RPL15: variants seen among roughly 807,000 people sequenced by gnomAD.
The protein encoded by RPL15 is large ribosomal subunit protein eL15.
For missense variants in RPL15, 161 were observed against 271.8 expected, an observed-to-expected ratio of 0.59 and a Z score of 2.87; for synonymous variants, 97 against 95.1, an observed-to-expected ratio of 1.02 and a Z score of -0.12.
downstream of RPL15, chr3:23,921,565 ATTGAG>A: frequency 3.4e-6 from 2 of 595,246 alleles, no homozygotes; most frequent in Non-Finnish European, 3.0e-6. Flanking sequence ...AACATTGATT[ATTGAG>A]TTTTTTTTTT....
chr3:23,924,018 A>T (rs1705163994), downstream of RPL15: 1 of 152,166 alleles, frequency 6.6e-6, no homozygotes, highest in Non-Finnish European at 1.5e-5. Flanking sequence ...GGGTCATATT[A>T]CTTCCCTCCA....
At chr3:23,923,998 A>C (rs982894719), downstream of RPL15, 1 of 152,202 alleles carries the variant, frequency 6.6e-6, no homozygotes, top group Non-Finnish European at 1.5e-5. Context: ...CCTCTCATGC[A>C]TTTAGGTTGG....
intron 1 of RPL15, 144 bp from the exon 2 acceptor site, chr3:23,917,706 G>A (rs1704719607): frequency 3.8e-6 from 3 of 784,644 alleles, no homozygotes; most frequent in South Asian, 3.8e-5. Flanking sequence ...GTGGGGGTTG[G>A]GCTAGCTGTC....
chr3:23,917,826 T>G, intron 1 of RPL15, 24 bp from the exon 2 acceptor site: 10 of 1,597,948 alleles, frequency 6.3e-6, no homozygotes, highest in Middle Eastern at 2.2e-4. Flanking sequence ...CGGATGATAT[T>G]TAATACACAG....
intron 3 of RPL15, 165 bp from the exon 4 acceptor site, chr3:23,919,031 A>G (rs1704902775): frequency 1.6e-6 from 1 of 615,588 alleles, no homozygotes; most frequent in South Asian, 2.0e-5. Flanking sequence ...AGTCTACATT[A>G]TCTCATTACA....
intron 3 of RPL15, chr3:23,918,796 A>C (rs1435633218): frequency 1.7e-6 from 1 of 596,968 alleles, no homozygotes; most frequent in East Asian, 2.9e-5. Flanking sequence ...CTAAGCTTTA[A>C]AGCGGCAAGA....
intron 2 of RPL15, 35 bp from the exon 3 acceptor site, chr3:23,918,405 A>T: frequency 1.2e-6 from 2 of 1,605,124 alleles, no homozygotes; most frequent in Non-Finnish European, 1.7e-6. Flanking sequence ...ACGGCTTCCT[A>T]TAAAATCACT....
upstream of RPL15, chr3:23,917,078 C>G (rs1704623658): frequency 6.6e-6 from 1 of 152,514 alleles, no homozygotes; most frequent in South Asian, 2.1e-4. Flanking sequence ...GAGGCCGCAG[C>G]TTTCCACCGG....
At chr3:23,921,200 T>G (rs930773978), downstream of RPL15, among the ~76,000 whole-genome samples, 2 of 152,184 alleles carry the variant, frequency 1.3e-5, no homozygotes, top group African/African-American at 4.8e-5. Flanking sequence ...AGGTCAGCAT[T>G]GTCTCTACAA....
rs1183447320 is a variant in RPL15, at chr3:23,919,979, G to T, written c.*478G>T. On this transcript the variant is annotated 3_prime_UTR_variant, in exon 4 of 4. Transcript: ENST00000307839. Reference sequence around the variant, plus strand: ...GAAGAAAATTGCCTCAGCCTCCACAGTACCATTTTAAATTCACATAAAAGG... The same window carrying T: ...GAAGAAAATTGCCTCAGCCTCCACATTACCATTTTAAATTCACATAAAAGG... 8 of 987,568 alleles carry T rather than the reference G, an allele frequency of 8.1e-6. No individual in the cohort carries two copies. The highest frequency in any genetic ancestry group is 9.6e-6 in the Non-Finnish European group (8 of 831,170). 61.2% of individuals were successfully genotyped at this position (987,568 alleles called of 1,614,324 possible).
chr3:23,921,937 G>T, downstream of RPL15: 1 of 276,010 alleles, frequency 3.6e-6, no homozygotes, highest in Non-Finnish European at 6.7e-6. Context: ...TCAAACTACT[G>T]GCCTCAAGCA....
chr3:23,918,705 T>A, intron 3 of RPL15, 129 bp downstream of exon 3: 1 of 1,129,266 alleles, frequency 8.9e-7, no homozygotes, highest in South Asian at 1.5e-5. Flanking sequence ...TGATTTTTAC[T>A]AATCTTGGTG....
chr3:23,919,015 T>C (rs1255224211), intron 3 of RPL15, 181 bp from the exon 4 acceptor site: 2 of 607,632 alleles, frequency 3.3e-6, no homozygotes, highest in Non-Finnish European at 5.8e-6. Context: ...GTGTGTTGTT[T>C]TAGCAAGTCT....
rs1373177771 is a variant in RPL15 at position 23,919,926 on chromosome 3, T to C, written c.*425T>C. The C allele has an allele frequency of 3.0e-6, 3 of 989,870 alleles. No individual in the cohort carries two copies. Among genetic ancestry groups the C allele is most frequent in the Non-Finnish European group, 3.6e-6 (3 of 832,764 alleles). 61.3% of individuals were successfully genotyped at this position (989,870 alleles called of 1,614,324 possible). A position where few individuals can be genotyped will look rare whatever the true frequency, so the allele number is the denominator to read the frequency against. ...GTTTGGCAGGTGTAGACTTTTTAAGTTGGGCTTTAGAAAATCTGGGTTAGC... is the reference window on the plus strand; with the variant it reads ...GTTTGGCAGGTGTAGACTTTTTAAGCTGGGCTTTAGAAAATCTGGGTTAGC... On this transcript the variant is annotated 3_prime_UTR_variant, in exon 4 of 4. Coordinates refer to ENST00000307839, the MANE Select transcript of RPL15 (RefSeq NM_002948.5).
chr3:23,918,661 T>C, intron 3 of RPL15, 85 bp downstream of exon 3: 22 of 1,474,028 alleles, frequency 1.5e-5, no homozygotes, highest in Non-Finnish European at 2.0e-5. Context: ...TGATTGTACT[T>C]AGGTGAGCTG....
Position 23,919,998 on chromosome 3 carries a change from T to A in RPL15, c.*497T>A, listed in dbSNP as rs1704982443. 9.1e-6 allele frequency: 9 copies of A among 986,852 alleles called. No individual in the cohort carries two copies. The South Asian group carries it at 2.8e-4, about 31-fold the overall frequency. The allele number at this position is 986,852 out of a possible 1,614,324, so 61.1% of individuals were successfully genotyped here. A position where few individuals can be genotyped will look rare whatever the true frequency, so the allele number is the denominator to read the frequency against. On this transcript the variant is annotated 3_prime_UTR_variant, in exon 4 of 4. Coordinates refer to ENST00000307839, the MANE Select transcript of RPL15 (RefSeq NM_002948.5). ...TCCACAGTACCATTTTAAATTCACA[T>A]AAAAGGTGAAAGCTCCTGGTTCAGT...
rs774981964 is a variant in RPL15, at chr3:23,919,189, ATTC to A, written c.310-5_310-3del. ...AGATTGACCTTGGGCCTTTTTTCCT[ATTC>A]TAGGAGCGAGCTGGACGCCACTGTG... On this transcript the variant is annotated splice_region_variant and splice_polypyrimidine_tract_variant and intron_variant, in intron 3 of 3. Coordinates refer to ENST00000307839, the MANE Select transcript of RPL15 (RefSeq NM_002948.5). The A allele has an allele frequency of 6.8e-6, 11 of 1,609,982 alleles. No individual in the cohort carries two copies. The highest frequency in any genetic ancestry group is 1.6e-4 in the Middle Eastern group (1 of 6,072).
At position 23,917,901 on chromosome 3, in the gene RPL15, G is replaced by A. The variant is rs1239461605; in HGVS notation, c.42G>A (p.Lys14=). 11 of 1,613,082 alleles carry A rather than the reference G, an allele frequency of 6.8e-6. No individual in the cohort carries two copies. Among genetic ancestry groups the A allele is most frequent in the Non-Finnish European group, 7.6e-6 (9 of 1,179,720 alleles). Residue 14 remains lysine (K), a synonymous_variant, in exon 2 of 4, where the codon AAG becomes AAA. Transcript: ENST00000307839. ...YKYIQELWRK[K]QSDVMRFLLR... The stretch of plus-strand genomic sequence containing the variant: ...ACATCCAGGAGCTATGGAGAAAGAA[G>A]CAGTCTGATGTCATGCGCTTTCTTC...
chr3:23,920,393 ATG>A lies in RPL15; in HGVS notation c.*896_*897del. ...TCACAAGCGCATGGTTTCCAACCAT[ATG>A]TGTTTTCTGCAGTTATTTCTCTTGT... On this transcript the variant is annotated 3_prime_UTR_variant, in exon 4 of 4. Coordinates refer to ENST00000307839, the MANE Select transcript of RPL15 (RefSeq NM_002948.5). 1 of 985,310 alleles carries A rather than the reference ATG, an allele frequency of 1.0e-6. No individual in the cohort carries two copies. The allele number at this position is 985,310 out of a possible 1,614,324, so 61.0% of individuals were successfully genotyped here. A position where few individuals can be genotyped will look rare whatever the true frequency, so the allele number is the denominator to read the frequency against.
Sources: allele counts gnomAD v4.1 joint callset (sites outside exome capture counted in the v4.1 genomes callset), GRCh38; gene constraint gnomAD v4.1.1; transcripts MANE v1.5; gene names NCBI Gene and HGNC (gene_info 2026-07-23, HGNC 2026-07-21).